Variants in LONP2 observed in about 807,000 individuals in gnomAD.
The protein encoded by LONP2 is lon peptidase 2, peroxisomal.
In LONP2, 60 loss-of-function variants were observed where a neutral mutation model predicts 85.6. That is an observed-to-expected ratio of 0.70 (90% CI 0.57 to 0.87). The LOEUF is 0.87. LONP2 is among the 40% of genes least tolerant of loss of function. The pLI is 0.00. For missense variants in LONP2, 860 were observed against 1,063.5 expected, an observed-to-expected ratio of 0.81 and a Z score of 2.66; for synonymous variants, 395 against 389.7, an observed-to-expected ratio of 1.01 and a Z score of -0.16.
chr16:48,280,614 A>C (rs1278105244), intron 8 of LONP2, among the ~76,000 whole-genome samples: 2 of 152,216 alleles, frequency 1.3e-5, no homozygotes, highest in Non-Finnish European at 2.9e-5. Context: ...ATGATATCTC[A>C]GAGTAAATGC....
intron 14 of LONP2, among the ~76,000 whole-genome samples, chr16:48,350,735 C>T (rs1960117841): frequency 6.6e-6 from 1 of 152,196 alleles, no homozygotes; most frequent in South Asian, 2.1e-4. Context: ...GGCCCAGGGT[C>T]TCTGGCCTTA....
chr16:48,269,595 A>G (rs1274830289), intron 6 of LONP2, among the ~76,000 whole-genome samples: 1 of 152,216 alleles, frequency 6.6e-6, no homozygotes, highest in Non-Finnish European at 1.5e-5. Flanking sequence ...TCTTGGGGGC[A>G]TGAGATTATG....
chr16:48,262,557 C>T (rs1971899980), intron 5 of LONP2, among the ~76,000 whole-genome samples: 2 of 152,156 alleles, frequency 1.3e-5, no homozygotes, highest in Non-Finnish European at 2.9e-5. Context: ...GGTGGGACTC[C>T]AGAAGGGGCA....
intron 1 of LONP2, among the ~76,000 whole-genome samples, chr16:48,248,434 T>A (rs1158990120): frequency 6.6e-6 from 1 of 152,086 alleles, no homozygotes; most frequent in African/African-American, 2.4e-5. Context: ...TTCTACCTTT[T>A]TGAATCTCAT....
chr16:48,298,506 A>G lies in LONP2; in HGVS notation c.1535-1156A>G, dbSNP rs150193404. Among the ~76,000 whole-genome samples, 669 of 152,152 alleles carry G rather than the reference A, an allele frequency of 4.4e-3. 7 individuals carry two copies. The highest frequency in any genetic ancestry group is 0.015 in the African/African-American group (640 of 41,506). On this transcript the variant is annotated intron_variant, in intron 9 of 14. Coordinates refer to ENST00000285737, the MANE Select transcript of LONP2 (RefSeq NM_031490.5). ...ATATATATACCATCATGTGGAGGAA[A>G]AAACCTTTTATATGGACATCTTAGG...
intron 9 of LONP2, among the ~76,000 whole-genome samples, chr16:48,298,518 A>G (rs907273569): frequency 6.6e-6 from 1 of 152,132 alleles, no homozygotes; most frequent in African/African-American, 2.4e-5. Context: ...AACCTTTTAT[A>G]TGGACATCTT....
At chr16:48,244,794 A>G (rs1971258872) in intron 1 of LONP2, among the ~76,000 whole-genome samples, 173 bp downstream of exon 1, 1 of 152,182 alleles carries the variant, frequency 6.6e-6, no homozygotes, top group Admixed American at 6.5e-5. Flanking sequence ...TACCTGCCCC[A>G]TGACCATGAA....
In LONP2 at chr16:48,244,364, G is replaced by GC. The variant is rs1567300898; in HGVS notation, c.-20dup. Reference sequence around the variant, plus strand: ...GCTGTCTGTCTGGCTCTTTTTGACAGCCCCCAGTGCGAAAGGCTGCCAGCA... The same window carrying GC: ...GCTGTCTGTCTGGCTCTTTTTGACAGCCCCCCAGTGCGAAAGGCTGCCAGCA... On this transcript the variant is annotated 5_prime_UTR_variant, in exon 1 of 15. Transcript: ENST00000285737. 6 of 1,494,606 alleles carry GC rather than the reference G, an allele frequency of 4.0e-6. No homozygotes were observed. Among genetic ancestry groups the GC allele is most frequent in the Middle Eastern group, 1.7e-4 (1 of 5,718 alleles). The allele number at this position is 1,494,606 out of a possible 1,614,324, so 92.6% of individuals were successfully genotyped here.
intron 11 of LONP2, among the ~76,000 whole-genome samples, chr16:48,312,349 G>T (rs1054684463): frequency 2.0e-5 from 3 of 151,770 alleles, no homozygotes; most frequent in African/African-American, 7.3e-5. Context: ...TTCTCTGGGG[G>T]TGTCATAGCA....
intron 2 of LONP2, among the ~76,000 whole-genome samples, chr16:48,253,675 T>C (rs1971699884): frequency 6.6e-6 from 1 of 152,176 alleles, no homozygotes; most frequent in African/African-American, 2.4e-5. Context: ...TGGACATAGA[T>C]AGCTTCATAG....
At chr16:48,296,312 C>T (rs1351308580) in intron 9 of LONP2, 147 bp downstream of exon 9, 1 of 857,704 alleles carries the variant, frequency 1.2e-6, no homozygotes, top group Non-Finnish European at 1.7e-6. Context: ...AAATCAGTTT[C>T]TATGTAGCTT....
downstream of LONP2, chr16:48,362,013 C>T: frequency 6.2e-7 from 1 of 1,614,162 alleles, no homozygotes; most frequent in Non-Finnish European, 8.5e-7. This position sits in a 1 kb window ranked among gnomAD's most constrained non-coding sequence, Gnocchi z 4.2. Context: ...ATCCAGAGAG[C>T]CTTGCCATTT....
intron 12 of LONP2, chr16:48,336,481 T>C: frequency 2.2e-6 from 1 of 455,556 alleles, no homozygotes; most frequent in Non-Finnish European, 4.4e-6. Flanking sequence ...ACAAGGCTGT[T>C]ATTTCACCTG....
chr16:48,339,883 C>T (rs1421265996), intron 12 of LONP2, among the ~76,000 whole-genome samples: 1 of 152,154 alleles, frequency 6.6e-6, no homozygotes, highest in African/African-American at 2.4e-5. Context: ...GGCTTGAGTA[C>T]AGGCGAGCTA....
chr16:48,296,741 A>AGAGTAACT (rs1435104017), intron 9 of LONP2, among the ~76,000 whole-genome samples: 3 of 151,348 alleles, frequency 2.0e-5, no homozygotes, highest in Non-Finnish European at 2.9e-5. Flanking sequence ...AAAAAAAAAA[A>AGAGTAACT]GAGTAACTGA....
At chr16:48,344,436 C>T (rs1959904592) in intron 12 of LONP2, 2 of 152,146 alleles carry the variant, frequency 1.3e-5, no homozygotes, top group South Asian at 4.1e-4. Context: ...AATATCAGAA[C>T]ACTTGTTATC....
intron 11 of LONP2, among the ~76,000 whole-genome samples, chr16:48,325,044 T>C (rs1028138084): frequency 2.6e-5 from 4 of 152,214 alleles, no homozygotes; most frequent in Admixed American, 6.5e-5. Flanking sequence ...CAGGGACCAA[T>C]TTCATGGGAG....
intron 11 of LONP2, among the ~76,000 whole-genome samples, chr16:48,305,061 C>G (rs1972884921): frequency 6.6e-6 from 1 of 152,118 alleles, no homozygotes; most frequent in African/African-American, 2.4e-5. Flanking sequence ...CCTTCTGTGG[C>G]CAGTACAGTG....
Position 48,356,722 on chromosome 16 carries a change from T to C in LONP2, c.*4920T>C, listed in dbSNP as rs1046325940. ...AACAGGCAAATATGGTGAGTGGTCA[T>C]TGAGATGTTTTAAAAGTTACAGCAA... On this transcript the variant is annotated 3_prime_UTR_variant, in exon 15 of 15. Coordinates refer to ENST00000285737, the MANE Select transcript of LONP2 (RefSeq NM_031490.5). 62 of 342,130 alleles carry C rather than the reference T, an allele frequency of 1.8e-4. 1 individual carries two copies. Among genetic ancestry groups the C allele is most frequent in the African/African-American group, 1.0e-3 (47 of 46,286 alleles). The allele number at this position is 342,130 out of a possible 1,614,324, so 21.2% of individuals were successfully genotyped here.
Sources: gnomAD v4.1 joint callset for allele counts (sites outside exome capture counted in the v4.1 genomes callset) on GRCh38, gnomAD v4.1.1 for gene constraint, Gnocchi (gnomAD v3.1) non-coding constraint, MANE v1.5 for transcripts, NCBI Gene and HGNC (gene_info 2026-07-23, HGNC 2026-07-21) for gene names.